CFAP91: variants seen among roughly 807,000 people sequenced by gnomAD.
CFAP91 encodes cilia- and flagella-associated protein 91.
CFAP91 carries 85 observed loss-of-function variants against 95.9 expected under a neutral mutation model. The ratio of observed to expected loss-of-function variants is 0.89; its 90% CI spans 0.74 to 1.06. The LOEUF (loss-of-function observed/expected upper bound fraction) is 1.06, where lower values mean the gene tolerates loss of function less well. Ranked by LOEUF, CFAP91 falls within the 50% of genes least tolerant of loss-of-function variation. The pLI is 0.00. For missense variants in CFAP91, 962 were observed against 943.4 expected (o/e 1.02, Z -0.26); for synonymous variants, 335 against 327.5 (o/e 1.02, Z -0.25).
At chr3:119,755,423 G>T (rs894474366) in intron 17 of CFAP91, among the ~76,000 whole-genome samples, 1 of 152,068 alleles carries the variant, frequency 6.6e-6, no homozygotes, top group African/African-American at 2.4e-5. Context: ...TCATGATGGG[G>T]TTATTGCTTT....
chr3:119,727,065 C>G (rs2053797264), intron 7 of CFAP91, among the ~76,000 whole-genome samples: 1 of 152,048 alleles, frequency 6.6e-6, no homozygotes, highest in Non-Finnish European at 1.5e-5. Context: ...ATTATGAGAA[C>G]CAAAAAATTA....
chr3:119,737,242 G>T, intron 10 of CFAP91, 124 bp from the exon 11 acceptor site: 1 of 605,362 alleles, frequency 1.7e-6, no homozygotes, highest in Non-Finnish European at 3.0e-6. Flanking sequence ...CAGGTGATGG[G>T]TATGCTAAAA....
intron 1 of CFAP91, among the ~76,000 whole-genome samples, chr3:119,705,746 T>G (rs1232552142): frequency 6.6e-6 from 1 of 152,218 alleles, no homozygotes; most frequent in Non-Finnish European, 1.5e-5. Context: ...CTCTCTCTCA[T>G]GAAGTCAAAG....
chr3:119,730,139 A>C, intron 7 of CFAP91, 81 bp from the exon 8 acceptor site: 3 of 1,376,882 alleles, frequency 2.2e-6, no homozygotes, highest in Non-Finnish European at 3.0e-6. Context: ...CCCACAGAGA[A>C]GAGCCTGTCT....
intron 7 of CFAP91, among the ~76,000 whole-genome samples, chr3:119,729,214 G>A (rs927961353): frequency 1.3e-5 from 2 of 152,182 alleles, no homozygotes; most frequent in South Asian, 2.1e-4. Flanking sequence ...AAGCATTGCC[G>A]AGGAGAGATC....
chr3:119,736,273 T>G (rs950809287), intron 10 of CFAP91, among the ~76,000 whole-genome samples: 6 of 141,058 alleles, frequency 4.3e-5, no homozygotes, highest in Admixed American at 1.4e-4. Context: ...CTATTGTTTT[T>G]TTTTTTTTTT....
chr3:119,737,690 A>T (rs184083598), intron 11 of CFAP91, among the ~76,000 whole-genome samples: 5 of 152,382 alleles, frequency 3.3e-5, no homozygotes, highest in African/African-American at 9.6e-5. Context: ...CTTCTCAAAA[A>T]TAAAAACACA....
At chr3:119,759,569 A>T (rs1341952947) in intron 17 of CFAP91, among the ~76,000 whole-genome samples, 1 of 152,018 alleles carries the variant, frequency 6.6e-6, no homozygotes, top group African/African-American at 2.4e-5. Flanking sequence ...CATTGGTAAA[A>T]GTAAGTACAC....
chr3:119,710,843 T>C (rs1456597541), intron 5 of CFAP91, among the ~76,000 whole-genome samples: 1 of 152,218 alleles, frequency 6.6e-6, no homozygotes, highest in African/African-American at 2.4e-5. Flanking sequence ...GGACAAGGGC[T>C]GAATCTGAGA....
chr3:119,740,995 G>T (rs2054109884), intron 13 of CFAP91, among the ~76,000 whole-genome samples: 1 of 152,072 alleles, frequency 6.6e-6, no homozygotes, highest in African/African-American at 2.4e-5. Context: ...GGGACTACAG[G>T]CATGCACCAC....
intron 4 of CFAP91, among the ~76,000 whole-genome samples, chr3:119,709,456 T>A (rs1470389584): frequency 1.3e-5 from 2 of 152,236 alleles, no homozygotes; most frequent in Non-Finnish European, 2.9e-5. Context: ...TCACTGTGAA[T>A]TCCAGAATGT....
chr3:119,742,843 A>G (rs2054145963), intron 13 of CFAP91, among the ~76,000 whole-genome samples: 1 of 152,198 alleles, frequency 6.6e-6, no homozygotes, highest in Admixed American at 6.5e-5. Context: ...CTGAGAACTG[A>G]GTATTCCCTC....
intron 5 of CFAP91, among the ~76,000 whole-genome samples, chr3:119,714,036 C>T (rs1170391775): frequency 6.6e-6 from 1 of 151,950 alleles, no homozygotes; most frequent in Admixed American, 6.6e-5. Flanking sequence ...AATACCTGTC[C>T]AGTTATTTCC....
chr3:119,726,456 C>T, intron 7 of CFAP91, 108 bp downstream of exon 7: 3 of 1,079,070 alleles, frequency 2.8e-6, no homozygotes, highest in Non-Finnish European at 3.9e-6. Flanking sequence ...AAGCAATCCT[C>T]AACCTATAGA....
chr3:119,719,493 C>A (rs1577208152), intron 6 of CFAP91, among the ~76,000 whole-genome samples: 1 of 152,266 alleles, frequency 6.6e-6, no homozygotes, highest in South Asian at 2.1e-4. Flanking sequence ...AAATTAAGTG[C>A]TTATGATGTG....
At chr3:119,745,130 C>T (rs1349281316) in intron 14 of CFAP91, among the ~76,000 whole-genome samples, 1 of 152,114 alleles carries the variant, frequency 6.6e-6, no homozygotes, top group Non-Finnish European at 1.5e-5. Context: ...GATTTAAGAA[C>T]CACTTAGGTA....
chr3:119,730,543 T>G (rs1332768947), intron 8 of CFAP91, among the ~76,000 whole-genome samples, 166 bp downstream of exon 8: 1 of 151,662 alleles, frequency 6.6e-6, no homozygotes, highest in Non-Finnish European at 1.5e-5. Context: ...ATGGAGGAAA[T>G]TCCCTTACTA....
chr3:119,706,512 A>T (rs1339709113), intron 1 of CFAP91: 2 of 279,428 alleles, frequency 7.2e-6, no homozygotes, highest in Non-Finnish European at 1.4e-5. Context: ...ATAGGAGAGA[A>T]GAAAGTGTGT....
At chr3:119,736,876 G>A (rs760677732) in intron 10 of CFAP91, among the ~76,000 whole-genome samples, 32 of 150,894 alleles carry the variant, frequency 2.1e-4, no homozygotes, top group South Asian at 4.2e-4. Flanking sequence ...TGCTCTTGTT[G>A]CCCAGGCTGG....
Sources: gnomAD v4.1 joint callset for allele counts (sites outside exome capture counted in the v4.1 genomes callset) on GRCh38, gnomAD v4.1.1 for gene constraint, MANE v1.5 for transcripts, NCBI Gene and HGNC (gene_info 2026-07-23, HGNC 2026-07-21) for gene names.